Variants in ABCC1 observed in about 807,000 individuals in gnomAD.
The protein encoded by ABCC1 is multidrug resistance-associated protein 1.
ABCC1 carries 83 observed loss-of-function variants against 172.9 expected under a neutral mutation model. The observed-to-expected ratio is 0.48, with a 90% CI of 0.40 to 0.58. ABCC1 has a LOEUF of 0.58. Ranked by LOEUF, ABCC1 falls within the 20% of genes least tolerant of loss-of-function variation. The probability of loss-of-function intolerance (pLI) is 0.00; values close to 1 mark genes in which losing one functional copy is unlikely to be tolerated. For synonymous variants in ABCC1, 937 were observed against 825.2 expected (o/e 1.14, Z -2.32); for missense variants, 1,817 against 2,002.7 (o/e 0.91, Z 1.77).
intron 19 of ABCC1, among the ~76,000 whole-genome samples, chr16:16,094,814 C>CTTTTT (rs895974418): frequency 6.6e-5 from 8 of 120,624 alleles, no homozygotes; most frequent in Non-Finnish European, 1.0e-4. Context: ...TGCGCCTGGC[C>CTTTTT]TTTTTTTTTT....
chr16:15,971,609 G>A (rs951299311), intron 1 of ABCC1, among the ~76,000 whole-genome samples: 2 of 152,162 alleles, frequency 1.3e-5, no homozygotes, highest in Admixed American at 1.3e-4. Flanking sequence ...GACTTCTTCT[G>A]GCTACTTCCT....
At chr16:16,082,532 A>G (rs2050844900) in intron 16 of ABCC1, among the ~76,000 whole-genome samples, 1 of 149,232 alleles carries the variant, frequency 6.7e-6, no homozygotes, top group Admixed American at 6.8e-5. Context: ...GATACCTGAC[A>G]TATGGAAATA....
At chr16:16,057,738 T>C (rs1047263059) in intron 12 of ABCC1, among the ~76,000 whole-genome samples, 5 of 152,076 alleles carry the variant, frequency 3.3e-5, no homozygotes, top group African/African-American at 1.2e-4. Flanking sequence ...CAATATATAG[T>C]CTTGGTTCGT....
intron 1 of ABCC1, among the ~76,000 whole-genome samples, chr16:15,977,091 G>A (rs45613132): frequency 0.016 from 2,461 of 152,326 alleles, 32 homozygotes; most frequent in Non-Finnish European, 0.022. Flanking sequence ...CCTTGAGATG[G>A]AAGGCTCTGG....
chr16:16,017,816 G>A (rs991836735), intron 5 of ABCC1, among the ~76,000 whole-genome samples: 3 of 152,148 alleles, frequency 2.0e-5, no homozygotes, highest in African/African-American at 7.2e-5. Flanking sequence ...AACTGCATGT[G>A]AGCGGAGACC....
At chr16:16,096,005 A>C (rs1019528931) in intron 19 of ABCC1, among the ~76,000 whole-genome samples, 12 of 151,768 alleles carry the variant, frequency 7.9e-5, no homozygotes, top group Non-Finnish European at 2.9e-5. Flanking sequence ...GGTGGCTCAT[A>C]TGTGTAATGC....
chr16:16,002,470 C>T (rs943320024), intron 1 of ABCC1, among the ~76,000 whole-genome samples: 4 of 152,118 alleles, frequency 2.6e-5, no homozygotes, highest in African/African-American at 4.8e-5. Flanking sequence ...ATCTATGTTA[C>T]TGATAAAGAT....
At position 16,077,539 on chromosome 16, in the gene ABCC1, T is replaced by A. The variant is rs565197592; in HGVS notation, c.1988+1138T>A. On this transcript the variant is annotated intron_variant, in intron 15 of 30. Coordinates refer to ENST00000399410, the MANE Select transcript of ABCC1 (RefSeq NM_004996.4). The stretch of plus-strand genomic sequence containing the variant: ...CCTGTAAGAATATTTCAGTCTCACG[T>A]GGACAGTGGCAGGTACTGTCTCACG... 2.9e-4 allele frequency among the ~76,000 whole-genome samples: 43 copies of A among 147,488 alleles called. No homozygotes were observed. The South Asian group carries it at 6.8e-3, about 23-fold the overall frequency.
At chr16:16,035,380 T>C (rs2048715888) in intron 6 of ABCC1, among the ~76,000 whole-genome samples, 1 of 152,032 alleles carries the variant, frequency 6.6e-6, no homozygotes, top group Non-Finnish European at 1.5e-5. Context: ...CTGGATGGAG[T>C]GACATAGAAA....
At chr16:16,139,074 A>C (rs45577731) in intron 30 of ABCC1, among the ~76,000 whole-genome samples, 2,639 of 152,288 alleles carry the variant, frequency 0.017, 65 homozygotes, top group African/African-American at 0.059. Context: ...GTGTTCCCAG[A>C]CACTGGGGAC....
chr16:16,098,173 G>A (rs2051565464), intron 19 of ABCC1: 1 of 153,604 alleles, frequency 6.5e-6, no homozygotes, highest in African/African-American at 2.4e-5. Flanking sequence ...TGTCCTCAAA[G>A]GGGCTGGAGC....
intron 27 of ABCC1, among the ~76,000 whole-genome samples, chr16:16,133,410 T>TTGTTC (rs2045784786): frequency 1.3e-5 from 2 of 152,106 alleles, no homozygotes; most frequent in South Asian, 2.1e-4. Flanking sequence ...TTGTTTTGTT[T>TTGTTC]TGTTTTGTTT....
chr16:16,120,568 C>T (rs2045106380), intron 23 of ABCC1, among the ~76,000 whole-genome samples: 1 of 152,064 alleles, frequency 6.6e-6, no homozygotes, highest in Non-Finnish European at 1.5e-5. Flanking sequence ...TCATCGTAGC[C>T]CGGGAGCTGG....
chr16:16,127,830 T>G (rs2045500332), intron 26 of ABCC1, among the ~76,000 whole-genome samples: 1 of 151,622 alleles, frequency 6.6e-6, no homozygotes, highest in Non-Finnish European at 1.5e-5. Flanking sequence ...ATGGCGTGAG[T>G]GCCCCCGTGA....
Position 15,950,179 on chromosome 16 carries a change from C to T in ABCC1, c.48+380C>T, listed in dbSNP as rs533811810. 7.2e-5 allele frequency among the ~76,000 whole-genome samples: 11 copies of T among 152,024 alleles called. No homozygotes were observed. The East Asian group carries it at 1.9e-3, about 27-fold the overall frequency. On this transcript the variant is annotated intron_variant, in intron 1 of 30. Transcript: ENST00000399410. ...AGGGGTGTCTCTCTGCTTCTGTTTT[C>T]CCATCTTTTTTGTGGTTAGGGTCCC...
intron 5 of ABCC1, among the ~76,000 whole-genome samples, chr16:16,018,186 G>A (rs1297120167): frequency 6.6e-6 from 1 of 152,146 alleles, no homozygotes; most frequent in African/African-American, 2.4e-5. Context: ...CTCACCTTGT[G>A]GGTGACGAAA....
chr16:16,008,818 G>A (rs2047655918), intron 2 of ABCC1, among the ~76,000 whole-genome samples: 1 of 137,272 alleles, frequency 7.3e-6, no homozygotes, highest in Non-Finnish European at 1.5e-5. Context: ...ACTCTAGCCT[G>A]TGCAACAGAG....
chr16:15,976,106 A>T (rs890147744), intron 1 of ABCC1, among the ~76,000 whole-genome samples: 1 of 151,980 alleles, frequency 6.6e-6, no homozygotes, highest in Non-Finnish European at 1.5e-5. Context: ...TCTCTACTAA[A>T]ATATAAAATC....
In ABCC1 at chr16:16,008,931, G is replaced by GT. The variant is rs35609874; in HGVS notation, c.226-831dup. Among the ~76,000 whole-genome samples the GT allele has an allele frequency of 6.7e-3, 579 of 85,980 alleles. 1 individual carries two copies. Among genetic ancestry groups the GT allele is most frequent in the African/African-American group, 0.014 (420 of 29,054 alleles). 56.4% of individuals were successfully genotyped at this position (85,980 alleles called of 152,430 possible). A position where few individuals can be genotyped will look rare whatever the true frequency, so the allele number is the denominator to read the frequency against. ...CCATCACTCATAGTCACTGTTTCCT[G>GT]TTTTTTTTTTTTTTGTTGTTGTTTT... On this transcript the variant is annotated intron_variant, in intron 2 of 30. Transcript: ENST00000399410.
Sources: allele counts gnomAD v4.1 joint callset (sites outside exome capture counted in the v4.1 genomes callset), GRCh38; gene constraint gnomAD v4.1.1; transcripts MANE v1.5; gene names NCBI Gene and HGNC (gene_info 2026-07-23, HGNC 2026-07-21).